The following SLURP2 variants were observed in gnomAD, a reference collection of about 807,000 sequenced individuals.
SLURP2 encodes secreted Ly-6/uPAR domain-containing protein 2.
SLURP2 carries 4 observed loss-of-function variants against 9.8 expected under a neutral mutation model. That is an observed-to-expected ratio of 0.41 (90% CI 0.20 to 0.94). The LOEUF is 0.94. Among genes scored for constraint, SLURP2 ranks in the 40% least tolerant of loss-of-function variants. SLURP2 has a pLI of 0.32. For synonymous variants in SLURP2, 58 were observed against 56.2 expected (o/e 1.03, Z -0.15); for missense variants, 118 against 126.4 (o/e 0.93, Z 0.32).
At position 142,764,551 on chromosome 8, in the gene SLURP2, AGGCTGTGGG is replaced by A. The variant is rs146305342; in HGVS notation, c.*45_*53del. On this transcript the variant is annotated 3_prime_UTR_variant, in exon 3 of 3. Coordinates refer to ENST00000317543, the MANE Select transcript of SLURP2 (RefSeq NM_177458.3). ...AGGGGCAGCTGTGAGCCCTGGCGCC[AGGCTGTGGG>A]GGCTGTGGGGGCTGAGCGTCCGGGG... The A allele has an allele frequency of 2.3e-4, 370 of 1,579,198 alleles. No individual in the cohort carries two copies. The highest frequency in any genetic ancestry group is 5.4e-4 in the East Asian group (24 of 44,462).
In SLURP2 at chr8:142,764,447, A is replaced by T. The variant is rs587727782; in HGVS notation, c.*158T>A. ...CGGCAGCAGATTGAGGCAAGACTCCACGCAGGACTTCCCTAGGACAAGCGG... is the reference window on the plus strand; with the variant it reads ...CGGCAGCAGATTGAGGCAAGACTCCTCGCAGGACTTCCCTAGGACAAGCGG... On this transcript the variant is annotated 3_prime_UTR_variant, in exon 3 of 3. Transcript: ENST00000317543. The T allele has an allele frequency of 1.2e-6, 1 of 814,858 alleles. No individual in the cohort carries two copies. The highest frequency in any genetic ancestry group is 2.0e-6 in the Non-Finnish European group (1 of 490,598). The allele number at this position is 814,858 out of a possible 1,614,324, so 50.5% of individuals were successfully genotyped here. A position where few individuals can be genotyped will look rare whatever the true frequency, so the allele number is the denominator to read the frequency against.
rs188077259 is a variant in SLURP2, at chr8:142,767,222, G to A, written c.53-2082C>T. On this transcript the variant is annotated intron_variant, in intron 1 of 2. Coordinates refer to ENST00000317543, the MANE Select transcript of SLURP2 (RefSeq NM_177458.3). ...ACACAGATGGGAAGTTCCGGCCAGG[G>A]CAGGCCCCTGCCATCAGCTTTGGCC... Among the ~76,000 whole-genome samples, 475 of 152,284 alleles carry A rather than the reference G, an allele frequency of 3.1e-3. No individual in the cohort carries two copies. In the Middle Eastern group the frequency reaches 0.054, roughly 17 times the overall value.
chr8:142,765,651 G>A (rs1385314643), intron 1 of SLURP2, among the ~76,000 whole-genome samples: 1 of 152,188 alleles, frequency 6.6e-6, no homozygotes, highest in East Asian at 1.9e-4. Context: ...TGGTGGAACA[G>A]GAATTAAAAG....
intron 1 of SLURP2, among the ~76,000 whole-genome samples, chr8:142,767,900 A>AAATG (rs60268524): frequency 0.12 from 17,186 of 140,666 alleles, 1,132 homozygotes; most frequent in East Asian, 0.24. Context: ...ATGAATGAAT[A>AAATG]AATGAATGAA....
intron 1 of SLURP2, among the ~76,000 whole-genome samples, chr8:142,765,683 G>C (rs760696179): frequency 6.6e-6 from 1 of 152,094 alleles, no homozygotes; most frequent in Non-Finnish European, 1.5e-5. Flanking sequence ...TGTGTAGGCC[G>C]GGCGCGGTGG....
chr8:142,769,100 T>A (rs73362659), intron 1 of SLURP2, among the ~76,000 whole-genome samples: 5 of 151,880 alleles, frequency 3.3e-5, no homozygotes, highest in Admixed American at 6.5e-5. Flanking sequence ...CAAGGCCAGG[T>A]GTGCACAGCT....
At chr8:142,766,885 G>A (rs768407876) in intron 1 of SLURP2, among the ~76,000 whole-genome samples, 38 of 152,148 alleles carry the variant, frequency 2.5e-4, no homozygotes, top group African/African-American at 4.1e-4. Flanking sequence ...GGCACCAGGC[G>A]CAGGCCCTGG....
intron 1 of SLURP2, 114 bp downstream of exon 1, chr8:142,769,641 G>T: frequency 1.1e-6 from 1 of 891,778 alleles, no homozygotes; most frequent in Non-Finnish European, 1.7e-6. Context: ...ATGGTGGGGG[G>T]ACAGGAATGG....
intron 1 of SLURP2, among the ~76,000 whole-genome samples, chr8:142,767,446 G>C (rs587609145): frequency 6.6e-6 from 1 of 152,344 alleles, no homozygotes; most frequent in African/African-American, 2.4e-5. Flanking sequence ...AGCTGGCTGG[G>C]GTGGGGGGTA....
At position 142,768,230 on chromosome 8, in the gene SLURP2, GT is replaced by G. The variant is rs1445898180; in HGVS notation, c.52+1524del. On this transcript the variant is annotated intron_variant, in intron 1 of 2. Coordinates refer to ENST00000317543, the MANE Select transcript of SLURP2 (RefSeq NM_177458.3). This position sits in a 1 kb window ranked among gnomAD's most constrained non-coding sequence, Gnocchi z 4.8. ...GAATAGAGAGGAGGAGGGAGGTGGG[GT>G]GGGGGGGAGGGGGCAGGAATAATGG... Among the ~76,000 whole-genome samples, 8 of 140,780 alleles carry G rather than the reference GT, an allele frequency of 5.7e-5. No homozygotes were observed. Among genetic ancestry groups the G allele is most frequent in the African/African-American group, 2.1e-4 (8 of 38,000 alleles). 92.4% of individuals were successfully genotyped at this position (140,780 alleles called of 152,430 possible).
At position 142,768,187 on chromosome 8, in the gene SLURP2, A is replaced by C. The variant is rs1283194245; in HGVS notation, c.52+1568T>G. Among the ~76,000 whole-genome samples, 9 of 122,806 alleles carry C rather than the reference A, an allele frequency of 7.3e-5. No individual in the cohort carries two copies. The South Asian group carries it at 2.5e-3, about 34-fold the overall frequency. 80.6% of individuals were successfully genotyped at this position (122,806 alleles called of 152,430 possible). A position where few individuals can be genotyped will look rare whatever the true frequency, so the allele number is the denominator to read the frequency against. On this transcript the variant is annotated intron_variant, in intron 1 of 2. Transcript: ENST00000317543. The surrounding 1 kb of genome is among the most constrained non-coding windows in gnomAD (Gnocchi z 4.8). Reference sequence around the variant, plus strand: ...GGAGGGAGGAGGAGAGGAAGGAAGGAAGGGAAGGAGGGAGGAGGAATAGAG... The same window carrying C: ...GGAGGGAGGAGGAGAGGAAGGAAGGCAGGGAAGGAGGGAGGAGGAATAGAG...
Position 142,764,504 on chromosome 8 carries a change from G to A in SLURP2, c.*101C>T, listed in dbSNP as rs1332721615. ...ACGGTGGCTGCAGAGGCCGGGAGAG[G>A]TGGGCTGGCCAGTCTCGAGGGAGGG... On this transcript the variant is annotated 3_prime_UTR_variant, in exon 3 of 3. Coordinates refer to ENST00000317543, the MANE Select transcript of SLURP2 (RefSeq NM_177458.3). The A allele has an allele frequency of 2.4e-6, 3 of 1,234,256 alleles. No individual in the cohort carries two copies. The highest frequency in any genetic ancestry group is 1.5e-5 in the African/African-American group (1 of 66,568). 76.5% of individuals were successfully genotyped at this position (1,234,256 alleles called of 1,614,324 possible).
chr8:142,767,733 C>G (rs1290658164), intron 1 of SLURP2, among the ~76,000 whole-genome samples: 1 of 152,044 alleles, frequency 6.6e-6, no homozygotes, highest in Non-Finnish European at 1.5e-5. Context: ...CATCCTGCCC[C>G]AGCTGGCATC....
intron 2 of SLURP2, 64 bp from the exon 3 acceptor site, chr8:142,764,805 C>G (rs1179292890): frequency 1.3e-6 from 2 of 1,585,008 alleles, no homozygotes; most frequent in East Asian, 2.2e-5. Flanking sequence ...ACCCTGCTGC[C>G]CCATCTGCCA....
At chr8:142,765,847 C>A (rs1224637444) in intron 1 of SLURP2, among the ~76,000 whole-genome samples, 2 of 152,000 alleles carry the variant, frequency 1.3e-5, no homozygotes, top group Non-Finnish European at 2.9e-5. Flanking sequence ...CCTGTAATCC[C>A]AGCTACTCAG....
intron 1 of SLURP2, among the ~76,000 whole-genome samples, chr8:142,766,647 C>A (rs1815018228): frequency 6.6e-6 from 1 of 152,208 alleles, no homozygotes. Flanking sequence ...CTCTGCCCCT[C>A]TTCATCCCTG....
intron 1 of SLURP2, among the ~76,000 whole-genome samples, chr8:142,767,399 G>A (rs1281991329): frequency 3.3e-5 from 5 of 152,192 alleles, no homozygotes; most frequent in Non-Finnish European, 7.4e-5. Context: ...CAATAAGTCG[G>A]ACACGCCTCT....
At chr8:142,766,255 T>G (rs1357318262) in intron 1 of SLURP2, 1 of 152,236 alleles carries the variant, frequency 6.6e-6, no homozygotes, top group Admixed American at 6.5e-5. Flanking sequence ...AATGTCTCAA[T>G]TCATTGAATC....
chr8:142,766,048 C>T (rs1814996736), intron 1 of SLURP2: 1 of 152,148 alleles, frequency 6.6e-6, no homozygotes, highest in South Asian at 2.1e-4. Flanking sequence ...AACCCAATTC[C>T]CTCTGAGAAA....
Sources: allele counts gnomAD v4.1 joint callset (sites outside exome capture counted in the v4.1 genomes callset), GRCh38; gene constraint gnomAD v4.1.1; non-coding constraint Gnocchi (gnomAD v3.1); transcripts MANE v1.5; gene names NCBI Gene and HGNC (gene_info 2026-07-23, HGNC 2026-07-21).